The following ARHGAP10 variants were observed in gnomAD, a reference collection of about 807,000 sequenced individuals.
The protein encoded by ARHGAP10 is Rho GTPase activating protein 10.
Under a neutral mutation model 108.6 loss-of-function variants are expected in ARHGAP10, and 87 were observed. The observed-to-expected ratio is 0.80, with a 90% CI of 0.67 to 0.96. The LOEUF is 0.96. ARHGAP10 is among the 40% of genes least tolerant of loss of function. The probability of loss-of-function intolerance (pLI) is 0.00; values close to 1 mark genes in which losing one functional copy is unlikely to be tolerated. For synonymous variants in ARHGAP10, 347 were observed against 341.1 expected (o/e 1.02, Z -0.19); for missense variants, 939 against 954.5 (o/e 0.98, Z 0.21).
At chr4:147,921,964 A>G (rs1484171767) in intron 13 of ARHGAP10, among the ~76,000 whole-genome samples, 1 of 152,132 alleles carries the variant, frequency 6.6e-6, no homozygotes, top group East Asian at 1.9e-4. Context: ...TGATGGAGTC[A>G]TCTGCTCTGC....
chr4:147,939,342 T>C (rs1271909875), intron 13 of ARHGAP10, among the ~76,000 whole-genome samples: 1 of 152,226 alleles, frequency 6.6e-6, no homozygotes. Context: ...GGACAGGACA[T>C]GTAACAACTT....
intron 1 of ARHGAP10, among the ~76,000 whole-genome samples, chr4:147,773,177 A>G (rs1479915764): frequency 6.6e-6 from 1 of 152,232 alleles, no homozygotes; most frequent in Non-Finnish European, 1.5e-5. Context: ...TAAAAATAGC[A>G]GATTTCCCTT....
chr4:147,932,330 T>A (rs1187251540), intron 13 of ARHGAP10, among the ~76,000 whole-genome samples: 2 of 152,172 alleles, frequency 1.3e-5, no homozygotes, highest in African/African-American at 4.8e-5. Context: ...ATGTAAATTG[T>A]TTTATTATAA....
At chr4:147,765,099 T>G (rs1040693364) in intron 1 of ARHGAP10, among the ~76,000 whole-genome samples, 7 of 152,214 alleles carry the variant, frequency 4.6e-5, no homozygotes, top group African/African-American at 1.7e-4. Context: ...TAGAATAGAC[T>G]GTGGACTAAT....
intron 20 of ARHGAP10, among the ~76,000 whole-genome samples, chr4:148,049,953 C>T (rs1294764949): frequency 6.6e-6 from 1 of 151,866 alleles, no homozygotes; most frequent in East Asian, 1.9e-4. Flanking sequence ...CTGCAACCTC[C>T]GCTTCCTGGG....
chr4:147,981,679 G>A (rs1739812800), intron 18 of ARHGAP10, among the ~76,000 whole-genome samples: 1 of 152,176 alleles, frequency 6.6e-6, no homozygotes. Context: ...ATTATTATGT[G>A]GCTGTCAAAG....
In ARHGAP10 at chr4:147,787,993, C is replaced by T. The variant is rs542369181; in HGVS notation, c.155-34734C>T. On this transcript the variant is annotated intron_variant, in intron 1 of 22. Coordinates refer to ENST00000336498, the MANE Select transcript of ARHGAP10 (RefSeq NM_024605.4). Reference sequence around the variant, plus strand: ...AAGAATTTAAAACCCAAATAGTTCCCGGATGTGAGAAAACTTCGTGAGAAT... The same window carrying T: ...AAGAATTTAAAACCCAAATAGTTCCTGGATGTGAGAAAACTTCGTGAGAAT... Among the ~76,000 whole-genome samples the T allele has an allele frequency of 5.3e-5, 8 of 152,154 alleles. No homozygotes were observed. The South Asian group carries it at 1.0e-3, about 20-fold the overall frequency.
intron 18 of ARHGAP10, among the ~76,000 whole-genome samples, chr4:148,021,883 CTT>C (rs1003207287): frequency 6.6e-6 from 1 of 152,200 alleles, no homozygotes; most frequent in Non-Finnish European, 1.5e-5. Flanking sequence ...TCTACAGTAA[CTT>C]AAATCATTTT....
At chr4:147,972,581 G>T (rs1739451753) in intron 18 of ARHGAP10, among the ~76,000 whole-genome samples, 2 of 152,190 alleles carry the variant, frequency 1.3e-5, no homozygotes, top group South Asian at 4.2e-4. Flanking sequence ...TCCTGTTAGG[G>T]GTAATAGAGG....
In ARHGAP10 at chr4:147,793,667, A is replaced by G. The variant is rs1256310324; in HGVS notation, c.155-29060A>G. On this transcript the variant is annotated intron_variant, in intron 1 of 22. Transcript: ENST00000336498. ...CTCACTTCTGAGGCTTCATGTGTAT[A>G]CTGCTCAACTGTCCAGGAATCACCA... Among the ~76,000 whole-genome samples, 4 of 152,216 alleles carry G rather than the reference A, an allele frequency of 2.6e-5. No individual in the cohort carries two copies. In the South Asian group the frequency reaches 6.2e-4, roughly 24 times the overall value.
intron 18 of ARHGAP10, among the ~76,000 whole-genome samples, chr4:147,970,568 C>G (rs1739367747): frequency 6.6e-6 from 1 of 151,564 alleles, no homozygotes; most frequent in African/African-American, 2.4e-5. Context: ...TTTTTCCTCC[C>G]TAAGAATGTG....
intron 18 of ARHGAP10, among the ~76,000 whole-genome samples, chr4:147,984,337 C>T (rs13435037): frequency 0.16 from 23,611 of 152,200 alleles, 3,120 homozygotes; most frequent in African/African-American, 0.36. Context: ...CAGGCCCCAG[C>T]AGGAGGACGC....
chr4:147,767,570 A>T (rs1013695151), intron 1 of ARHGAP10, among the ~76,000 whole-genome samples: 2 of 152,118 alleles, frequency 1.3e-5, no homozygotes, highest in Non-Finnish European at 2.9e-5. Flanking sequence ...ATCGTCTTGA[A>T]AATCTAGGCA....
chr4:147,829,127 C>T (rs973387787), intron 3 of ARHGAP10, among the ~76,000 whole-genome samples: 2 of 151,384 alleles, frequency 1.3e-5, no homozygotes, highest in African/African-American at 2.4e-5. Flanking sequence ...TCTCAGCTCA[C>T]TGCACCCCTG....
intron 1 of ARHGAP10, among the ~76,000 whole-genome samples, chr4:147,821,139 C>T (rs1450466152): frequency 2.6e-5 from 4 of 152,084 alleles, no homozygotes; most frequent in Admixed American, 2.0e-4. Context: ...AGTGAGCCGG[C>T]GAGCCTGGGC....
chr4:147,897,666 T>C (rs1736051651), intron 10 of ARHGAP10, among the ~76,000 whole-genome samples: 2 of 152,240 alleles, frequency 1.3e-5, no homozygotes, highest in Admixed American at 1.3e-4. Context: ...GTGCTCTTGT[T>C]ACTATATATT....
At chr4:147,945,285 A>G (rs1487427046) in intron 14 of ARHGAP10, among the ~76,000 whole-genome samples, 8 of 147,890 alleles carry the variant, frequency 5.4e-5, no homozygotes, top group Non-Finnish European at 1.0e-4. Flanking sequence ...TAACTCTCCC[A>G]TCTCCTTTTT....
At chr4:147,952,856 T>C (rs1738657034) in intron 15 of ARHGAP10, among the ~76,000 whole-genome samples, 1 of 152,012 alleles carries the variant, frequency 6.6e-6, no homozygotes, top group African/African-American at 2.4e-5. Context: ...TTTTCTTTTT[T>C]TGTTTTCTTC....
chr4:148,043,820 T>G (rs1326625523), intron 19 of ARHGAP10, among the ~76,000 whole-genome samples: 1 of 147,004 alleles, frequency 6.8e-6, no homozygotes, highest in African/African-American at 2.5e-5. Flanking sequence ...CAGAAGTTGT[T>G]GAACATAGAA....
Sources: allele counts gnomAD v4.1 joint callset (sites outside exome capture counted in the v4.1 genomes callset), GRCh38; gene constraint gnomAD v4.1.1; transcripts MANE v1.5; gene names NCBI Gene and HGNC (gene_info 2026-07-23, HGNC 2026-07-21).